PLCG2: variants seen among roughly 807,000 people sequenced by gnomAD.
PLCG2 encodes the protein 1-phosphatidylinositol 4,5-bisphosphate phosphodiesterase gamma-2.
Under a neutral mutation model 175.6 loss-of-function variants are expected in PLCG2, and 69 were observed. The observed-to-expected ratio is 0.39, with a 90% CI of 0.32 to 0.48. PLCG2 has a LOEUF of 0.48. Ranked by LOEUF, PLCG2 falls within the 20% of genes least tolerant of loss-of-function variation. The probability of loss-of-function intolerance (pLI) is 0.91; values close to 1 mark genes in which losing one functional copy is unlikely to be tolerated. For missense variants in PLCG2, 1,798 were observed against 1,650.9 expected (o/e 1.09, Z -1.54); for synonymous variants, 827 against 624.0 (o/e 1.33, Z -4.85).
intron 25 of PLCG2, among the ~76,000 whole-genome samples, chr16:81,933,635 A>G (rs1910594255): frequency 6.6e-6 from 1 of 151,532 alleles, no homozygotes; most frequent in Non-Finnish European, 1.5e-5. Context: ...CTTCTTTGTT[A>G]AATGGAGATA....
At chr16:81,799,759 A>AT (rs1911639327) in intron 2 of PLCG2, among the ~76,000 whole-genome samples, 2 of 151,390 alleles carry the variant, frequency 1.3e-5, no homozygotes, top group South Asian at 4.2e-4. Flanking sequence ...CACTTGGCTA[A>AT]TTTTTTTGTA....
intron 2 of PLCG2, among the ~76,000 whole-genome samples, chr16:81,791,525 C>G (rs1911230615): frequency 6.6e-6 from 1 of 152,130 alleles, no homozygotes; most frequent in South Asian, 2.1e-4. Flanking sequence ...ACATCTGATA[C>G]CTTAGTGGTG....
intron 21 of PLCG2, chr16:81,921,581 T>C (rs1199292166): frequency 2.6e-6 from 1 of 387,154 alleles, no homozygotes; most frequent in Non-Finnish European, 4.9e-6. Context: ...ACAGAGCCTG[T>C]GGTGTTTATA....
At chr16:81,770,798 C>A (rs1910261605) in intron 2 of PLCG2, among the ~76,000 whole-genome samples, 1 of 152,082 alleles carries the variant, frequency 6.6e-6, no homozygotes, top group Non-Finnish European at 1.5e-5. Context: ...GTGGCTCACG[C>A]CTGTTATCCC....
At chr16:81,800,221 A>G (rs1911660707) in intron 2 of PLCG2, among the ~76,000 whole-genome samples, 1 of 152,182 alleles carries the variant, frequency 6.6e-6, no homozygotes, top group African/African-American at 2.4e-5. Context: ...ATTTACTTTT[A>G]TTGTAAGTTC....
At chr16:81,892,847 CTT>C (rs58257849) in intron 11 of PLCG2, among the ~76,000 whole-genome samples, 73,749 of 133,240 alleles carry the variant, frequency 0.55, 20,104 homozygotes, top group East Asian at 0.75. Context: ...GGAACATAAA[CTT>C]TTTTTTTTTT....
At chr16:81,902,034 C>T (rs143897174) in intron 14 of PLCG2, among the ~76,000 whole-genome samples, 341 of 152,256 alleles carry the variant, frequency 2.2e-3, no homozygotes, top group African/African-American at 7.8e-3. Context: ...CAGGCACATC[C>T]GAGTTCCAGC....
At chr16:81,855,363 G>A (rs1275312565) in intron 3 of PLCG2, among the ~76,000 whole-genome samples, 2 of 152,140 alleles carry the variant, frequency 1.3e-5, no homozygotes, top group East Asian at 1.9e-4. Context: ...CTACTTTCAA[G>A]TTCAGTCCTA....
chr16:81,883,464 C>T (rs1374815226), intron 9 of PLCG2, 123 bp downstream of exon 9: 1 of 702,788 alleles, frequency 1.4e-6, no homozygotes, highest in East Asian at 2.7e-5. Context: ...CTGTGCTCAC[C>T]TGGCCACCTG....
intron 2 of PLCG2, among the ~76,000 whole-genome samples, chr16:81,758,936 C>G (rs1033233067): frequency 5.3e-5 from 8 of 152,186 alleles, no homozygotes; most frequent in African/African-American, 1.9e-4. Context: ...CCTCGGCCTC[C>G]CAAAGTGCTG....
chr16:81,780,552 G>A (rs1395174517), intron 1 of PLCG2, among the ~76,000 whole-genome samples: 1 of 152,114 alleles, frequency 6.6e-6, no homozygotes, highest in Non-Finnish European at 1.5e-5. Context: ...ACCAGCTCAG[G>A]GACAATCGTC....
intron 1 of PLCG2, among the ~76,000 whole-genome samples, chr16:81,782,872 G>A (rs908878762): frequency 2.0e-5 from 3 of 152,320 alleles, no homozygotes; most frequent in Non-Finnish European, 2.9e-5. Flanking sequence ...GGGATACAGT[G>A]TTTTCAAAGG....
chr16:81,830,151 C>G (rs948985362), intron 2 of PLCG2, among the ~76,000 whole-genome samples: 1 of 151,964 alleles, frequency 6.6e-6, no homozygotes, highest in Non-Finnish European at 1.5e-5. Context: ...GAAACCCTGT[C>G]TCTACAAAAA....
At position 81,918,000 on chromosome 16, in the gene PLCG2, G is replaced by C. The variant is rs947981151; in HGVS notation, c.2055-1484G>C. On this transcript the variant is annotated intron_variant, in intron 19 of 32. Transcript: ENST00000564138. Reference sequence around the variant, plus strand: ...GGCCTCCCAAAGTGCTGGAATTACAGGTGTGAGCCACCACGCCCGGCCTTT... The same window carrying C: ...GGCCTCCCAAAGTGCTGGAATTACACGTGTGAGCCACCACGCCCGGCCTTT... 3.9e-5 allele frequency among the ~76,000 whole-genome samples: 6 copies of C among 152,188 alleles called. 1 individual carries two copies. The highest frequency in any genetic ancestry group is 6.3e-3 in the Middle Eastern group (2 of 316).
chr16:81,861,166 C>G (rs987297924), intron 5 of PLCG2, among the ~76,000 whole-genome samples: 2 of 152,108 alleles, frequency 1.3e-5, no homozygotes, highest in African/African-American at 4.8e-5. Context: ...CGTGAGGCAC[C>G]TTATTTTTTT....
intron 5 of PLCG2, among the ~76,000 whole-genome samples, chr16:81,867,312 C>T (rs1405401176): frequency 6.6e-6 from 1 of 152,228 alleles, no homozygotes; most frequent in African/African-American, 2.4e-5. Context: ...CTCTGCTGGA[C>T]ACTTGGCTCC....
intron 2 of PLCG2, among the ~76,000 whole-genome samples, chr16:81,803,541 T>A (rs1911840794): frequency 7.0e-6 from 1 of 142,536 alleles, no homozygotes; most frequent in African/African-American, 2.6e-5. Context: ...CTTTCTTTTC[T>A]TTCTTTCCTT....
chr16:81,910,893 C>G (rs1321019078), intron 18 of PLCG2, among the ~76,000 whole-genome samples, 173 bp downstream of exon 18: 2 of 152,236 alleles, frequency 1.3e-5, no homozygotes, highest in African/African-American at 4.8e-5. Context: ...GCACCATGAC[C>G]TGTGTCCTTT....
Position 81,875,732 on chromosome 16 carries a change from C to G in PLCG2, c.648+4797C>G, listed in dbSNP as rs147418552. Among the ~76,000 whole-genome samples, 91 of 152,306 alleles carry G rather than the reference C, an allele frequency of 6.0e-4. No homozygotes were observed. In the East Asian group the frequency reaches 0.017, roughly 29 times the overall value. On this transcript the variant is annotated intron_variant, in intron 7 of 32. Coordinates refer to ENST00000564138, the MANE Select transcript of PLCG2 (RefSeq NM_002661.5). ...TGAAGTCCCCTGTGGTTACAGCATT[C>G]TTACATAAAAATAGAAAGCACTTGC...
Sources: gnomAD v4.1 joint callset for allele counts (sites outside exome capture counted in the v4.1 genomes callset) on GRCh38, gnomAD v4.1.1 for gene constraint, MANE v1.5 for transcripts, NCBI Gene and HGNC (gene_info 2026-07-23, HGNC 2026-07-21) for gene names.